The following LMCD1 variants were observed in gnomAD, a reference collection of about 807,000 sequenced individuals.
The protein encoded by LMCD1 is LIM and cysteine-rich domains protein 1.
A neutral mutation model predicts 42.7 loss-of-function variants in LMCD1; 32 were observed. That is an observed-to-expected ratio of 0.75 (90% CI 0.57 to 1.01). LMCD1 has a LOEUF of 1.01. Ranked by LOEUF, LMCD1 falls within the 50% of genes least tolerant of loss-of-function variation. The pLI, the probability that LMCD1 is intolerant of heterozygous loss-of-function variation, is 0.00. For synonymous variants in LMCD1, 178 were observed against 184.9 expected (o/e 0.96, Z 0.30); for missense variants, 458 against 483.1 (o/e 0.95, Z 0.49).
chr3:8,523,127 C>T (rs1236536498), intron 1 of LMCD1, among the ~76,000 whole-genome samples: 1 of 152,200 alleles, frequency 6.6e-6, no homozygotes, highest in African/African-American at 2.4e-5. Context: ...CAAAACAAAA[C>T]TAAACAAAAG....
At chr3:8,560,268 A>G (rs1695009481) in intron 4 of LMCD1, among the ~76,000 whole-genome samples, 1 of 152,160 alleles carries the variant, frequency 6.6e-6, no homozygotes. Flanking sequence ...AATGTCTTAA[A>G]AAGAACCAGT....
At chr3:8,534,096 C>G (rs536406002) in intron 2 of LMCD1, among the ~76,000 whole-genome samples, 20 of 151,844 alleles carry the variant, frequency 1.3e-4, no homozygotes, top group African/African-American at 4.1e-4. Flanking sequence ...CATTTCAACC[C>G]CACTGGTCCT....
intron 4 of LMCD1, among the ~76,000 whole-genome samples, chr3:8,555,416 T>C (rs941596285): frequency 6.6e-6 from 1 of 152,148 alleles, no homozygotes; most frequent in African/African-American, 2.4e-5. Context: ...CCATCTGAGC[T>C]GGAGGACAGG....
intron 5 of LMCD1, 148 bp downstream of exon 5, chr3:8,565,795 T>TC (rs1267692115): frequency 1.4e-6 from 1 of 738,886 alleles, no homozygotes; most frequent in Non-Finnish European, 2.2e-6. Flanking sequence ...CTCTCAACCT[T>TC]CATTTTCTCA....
intron 2 of LMCD1, among the ~76,000 whole-genome samples, chr3:8,536,427 C>T (rs1469629204): frequency 6.6e-6 from 1 of 152,140 alleles, no homozygotes; most frequent in Non-Finnish European, 1.5e-5. Flanking sequence ...AATCTGAACC[C>T]TCCCCAGGAT....
At chr3:8,545,198 A>C (rs572550899) in intron 3 of LMCD1, among the ~76,000 whole-genome samples, 1 of 152,204 alleles carries the variant, frequency 6.6e-6, no homozygotes, top group Admixed American at 6.5e-5. Flanking sequence ...CTTTTCTAAG[A>C]AAAAGCGATT....
At chr3:8,557,880 G>A (rs1197192033) in intron 4 of LMCD1, among the ~76,000 whole-genome samples, 1 of 152,160 alleles carries the variant, frequency 6.6e-6, no homozygotes, top group Non-Finnish European at 1.5e-5. Context: ...CCAGAGACTG[G>A]AATCACCTGA....
In LMCD1 at chr3:8,573,347, A is replaced by T. The variant is rs1020379193; in HGVS notation, c.*5749A>T. 3.3e-5 allele frequency: 5 copies of T among 152,208 alleles called. No homozygotes were observed. Among genetic ancestry groups the T allele is most frequent in the Non-Finnish European group, 5.9e-5 (4 of 68,036 alleles). The allele number at this position is 152,208 out of a possible 1,614,324, so 9.4% of individuals were successfully genotyped here. A position where few individuals can be genotyped will look rare whatever the true frequency, so the allele number is the denominator to read the frequency against. On this transcript the variant is annotated 3_prime_UTR_variant, in exon 6 of 6. Coordinates refer to ENST00000157600, the MANE Select transcript of LMCD1 (RefSeq NM_014583.4). The stretch of plus-strand genomic sequence containing the variant: ...ATCGTGGAATGGCTAAATCAAGCTA[A>T]CATATCCATTACCTCACATAGTTAT...
chr3:8,531,505 C>T (rs1393644178), intron 1 of LMCD1, among the ~76,000 whole-genome samples: 1 of 152,148 alleles, frequency 6.6e-6, no homozygotes, highest in Non-Finnish European at 1.5e-5. Flanking sequence ...TCTCGGTATC[C>T]ACTTGGCAGA....
chr3:8,535,545 A>G (rs900345884), intron 2 of LMCD1, among the ~76,000 whole-genome samples: 2 of 152,212 alleles, frequency 1.3e-5, no homozygotes, highest in African/African-American at 4.8e-5. Context: ...TTTGCACTAA[A>G]GAGAGGTGTT....
chr3:8,515,080 A>C, intron 1 of LMCD1: 1 of 453,982 alleles, frequency 2.2e-6, no homozygotes, highest in Non-Finnish European at 4.4e-6. Flanking sequence ...TCCAGGCAGC[A>C]GATTAATGTG....
chr3:8,502,032 C>A, intron 1 of LMCD1, 52 bp downstream of exon 1: 1 of 1,524,238 alleles, frequency 6.6e-7, no homozygotes, highest in Non-Finnish European at 8.9e-7. Flanking sequence ...TTCTTGTTCC[C>A]CTTCCCATCT....
intron 1 of LMCD1, among the ~76,000 whole-genome samples, chr3:8,531,222 C>T (rs1361356608): frequency 6.6e-6 from 1 of 152,204 alleles, no homozygotes; most frequent in Non-Finnish European, 1.5e-5. Context: ...GACATGCTCA[C>T]ATTGCATACC....
rs1183251778 is a variant in LMCD1 at position 8,572,290 on chromosome 3, C to A, written c.*4692C>A. ...TTGTTTTCTTTCTGTTGCATCCAAT[C>A]AGATGATACAGGATTTTGATTTGTT... is the stretch of plus-strand genomic sequence containing the variant. On this transcript the variant is annotated 3_prime_UTR_variant, in exon 6 of 6. Coordinates refer to ENST00000157600, the MANE Select transcript of LMCD1 (RefSeq NM_014583.4). 1 of 152,208 alleles carries A rather than the reference C, an allele frequency of 6.6e-6. No individual in the cohort carries two copies. The highest frequency in any genetic ancestry group is 1.5e-5 in the Non-Finnish European group (1 of 68,034). 9.4% of individuals were successfully genotyped at this position (152,208 alleles called of 1,614,324 possible).
rs750765610 is a variant in LMCD1 at position 8,567,588 on chromosome 3, A to C, written c.1088A>C (p.Lys363Thr). Residue 363 changes from lysine (K) to threonine (T), a missense_variant, in exon 6 of 6, where the codon AAA (lysine) becomes ACA (threonine). Lys to Thr is a moderately conservative substitution (Grantham distance 78, BLOSUM62 -1). Transcript: ENST00000157600. Reference protein sequence around the residue: ...QLLCPTCSKSKRS With the variant: ...QLLCPTCSKSTRS ...CTGTGCCCAACTTGCAGCAAGTCCA[A>C]ACGCTCCTGAAGGGCTGCCCACCCA... 1.6e-5 allele frequency: 26 copies of C among 1,612,542 alleles called. No individual in the cohort carries two copies. Among genetic ancestry groups the C allele is most frequent in the Non-Finnish European group, 2.1e-5 (25 of 1,179,452 alleles).
rs1695232182 is a variant in LMCD1, at chr3:8,572,348, A to T, written c.*4750A>T. The T allele has an allele frequency of 6.6e-6, 1 of 152,200 alleles. No individual in the cohort carries two copies. The highest frequency in any genetic ancestry group is 2.4e-5 in the African/African-American group (1 of 41,454). The allele number at this position is 152,200 out of a possible 1,614,324, so 9.4% of individuals were successfully genotyped here. ...TGTTGACATGAATTTTGAACATTTG[A>T]TAATGCCAGTATCAGCCAGATTTTT... On this transcript the variant is annotated 3_prime_UTR_variant, in exon 6 of 6. Coordinates refer to ENST00000157600, the MANE Select transcript of LMCD1 (RefSeq NM_014583.4).
chr3:8,532,638 C>T, intron 1 of LMCD1, 99 bp from the exon 2 acceptor site: 1 of 973,338 alleles, frequency 1.0e-6, no homozygotes, highest in African/African-American at 1.6e-5. Flanking sequence ...TTGAACCCCA[C>T]ACAGTCCCTT....
chr3:8,574,019 T>A lies in LMCD1; in HGVS notation c.*6421T>A, dbSNP rs994165157. 14 of 152,252 alleles carry A rather than the reference T, an allele frequency of 9.2e-5. No individual in the cohort carries two copies. Among genetic ancestry groups the A allele is most frequent in the African/African-American group, 3.4e-4 (14 of 41,472 alleles). The allele number at this position is 152,252 out of a possible 1,614,324, so 9.4% of individuals were successfully genotyped here. ...AGTAGTTCAAATCACAAGTTAAGTCTCTGCTTCTTTTCTCCATCTCTCTTC... is the reference window on the plus strand; with the variant it reads ...AGTAGTTCAAATCACAAGTTAAGTCACTGCTTCTTTTCTCCATCTCTCTTC... On this transcript the variant is annotated 3_prime_UTR_variant, in exon 6 of 6. Transcript: ENST00000157600.
intron 3 of LMCD1, among the ~76,000 whole-genome samples, chr3:8,539,909 G>GGTGT (rs1694588589): frequency 7.4e-6 from 1 of 135,598 alleles, no homozygotes; most frequent in Non-Finnish European, 1.7e-5. Context: ...GTGCCATGTT[G>GGTGT]GCGTGCTGCA....
Sources: gnomAD v4.1 joint callset for allele counts (sites outside exome capture counted in the v4.1 genomes callset) on GRCh38, gnomAD v4.1.1 for gene constraint, MANE v1.5 for transcripts, NCBI Gene and HGNC (gene_info 2026-07-23, HGNC 2026-07-21) for gene names.